The following ZNF665 variants were observed in gnomAD, a reference collection of about 807,000 sequenced individuals.
The protein encoded by ZNF665 is zinc finger protein 665.
In ZNF665, 6 loss-of-function variants were observed where a neutral mutation model predicts 7.9. The observed-to-expected ratio is 0.76, with a 90% CI of 0.42 to 1.50. The LOEUF (loss-of-function observed/expected upper bound fraction) is 1.50. Ranked by LOEUF, ZNF665 falls within the 40% of genes most tolerant of loss-of-function variation. ZNF665 has a pLI of 0.01. For synonymous variants in ZNF665, 242 were observed against 274.5 expected (o/e 0.88, Z 1.17); for missense variants, 819 against 806.7 (o/e 1.02, Z -0.18).
chr19:53,171,013 T>A (rs908642760), intron 3 of ZNF665, among the ~76,000 whole-genome samples: 2 of 152,108 alleles, frequency 1.3e-5, no homozygotes, highest in African/African-American at 4.8e-5. Context: ...CGAGACGGAG[T>A]CTTGCTCTGT....
chr19:53,171,594 A>G, intron 3 of ZNF665, among the ~76,000 whole-genome samples: 1 of 135,650 alleles, frequency 7.4e-6, no homozygotes. Flanking sequence ...CAGTGGCGTG[A>G]TTTTGGCTCA....
rs1283918296 is a variant in ZNF665 at position 53,163,854 on chromosome 19, A to T, written c.*599T>A. On this transcript the variant is annotated 3_prime_UTR_variant, in exon 4 of 4. Transcript: ENST00000396424. ...ACTCTTCCTATGAATCCTCACCTAC[A>T]GTTGTGGTCCAGGAGTAATAGTCTC... is the stretch of plus-strand genomic sequence containing the variant. 6.6e-6 allele frequency: 1 copy of T among 152,178 alleles called. No individual in the cohort carries two copies. Among genetic ancestry groups the T allele is most frequent in the African/African-American group, 2.4e-5 (1 of 41,438 alleles). The allele number at this position is 152,178 out of a possible 1,614,324, so 9.4% of individuals were successfully genotyped here. A position where few individuals can be genotyped will look rare whatever the true frequency, so the allele number is the denominator to read the frequency against.
Position 53,165,571 on chromosome 19 carries a change from T to G in ZNF665, c.919A>C (p.Ser307Arg), listed in dbSNP as rs2090605147. 6.2e-7 allele frequency: 1 copy of G among 1,614,104 alleles called. No homozygotes were observed. The highest frequency in any genetic ancestry group is 1.3e-5 in the African/African-American group (1 of 75,006). The part of the protein sequence containing the change: ...KCFTQNSHLA[S>R]HRRIHTGEKP... Reference sequence around the variant, plus strand: ...TCCCCAGTATGAATTCTTCGATGACTTGCAAGGTGTGAATTTTGAGTGAAG... The same window carrying G: ...TCCCCAGTATGAATTCTTCGATGACGTGCAAGGTGTGAATTTTGAGTGAAG... Residue 307 changes from serine to arginine, a missense_variant, in exon 4 of 4, where the codon AGT (serine) becomes CGT (arginine). Coordinates refer to ENST00000396424, the MANE Select transcript of ZNF665 (RefSeq NM_024733.5).
chr19:53,189,887 G>A (rs1004746107), intron 1 of ZNF665, among the ~76,000 whole-genome samples: 15 of 152,062 alleles, frequency 9.9e-5, no homozygotes, highest in African/African-American at 2.4e-4. Context: ...AGACGCTGGC[G>A]TCACCACTAG....
intron 3 of ZNF665, among the ~76,000 whole-genome samples, chr19:53,166,895 C>G (rs563351498): frequency 2.0e-5 from 3 of 152,128 alleles, no homozygotes; most frequent in African/African-American, 7.2e-5. Flanking sequence ...TCAGAAAAAA[C>G]TATTTTTCTG....
Position 53,166,133 on chromosome 19 carries a change from AT to A in ZNF665, c.356del (p.Asn119IlefsTer25). 1 of 1,613,212 alleles carries A rather than the reference AT, an allele frequency of 6.2e-7. No homozygotes were observed. Among genetic ancestry groups the A allele is most frequent in the Non-Finnish European group, 8.5e-7 (1 of 1,179,680 alleles). On this transcript the variant is annotated frameshift_variant, in exon 4 of 4. Transcript: ENST00000396424. LOFTEE classifies it low-confidence loss of function (END_TRUNC). ...YKTVLMLQKE[N>X]LPGRRAQRDR... ...CACGTTGAGCTCTTCTACCAGGGAG[AT>A]TTTCTTTTTGCAACATAAGTACTGT... is the stretch of plus-strand genomic sequence containing the variant.
intron 1 of ZNF665, among the ~76,000 whole-genome samples, chr19:53,192,928 G>A (rs1383241285): frequency 6.6e-6 from 1 of 152,198 alleles, no homozygotes; most frequent in Non-Finnish European, 1.5e-5. Context: ...ACCAGGCAGA[G>A]GCGCGGCCTC....
chr19:53,190,438 G>C (rs923117053), intron 1 of ZNF665: 1 of 152,234 alleles, frequency 6.6e-6, no homozygotes, highest in Non-Finnish European at 1.5e-5. Flanking sequence ...GTTCTGCAGT[G>C]CACTCCCAGT....
At chr19:53,173,177 C>G (rs4801961) in intron 3 of ZNF665, among the ~76,000 whole-genome samples, 76,879 of 151,942 alleles carry the variant, frequency 0.51, 23,104 homozygotes, top group South Asian at 0.72. Context: ...TCAGGTCTTA[C>G]GTTTAAGTAT....
intron 1 of ZNF665, chr19:53,191,729 A>T (rs1428603058): frequency 6.6e-6 from 1 of 152,304 alleles, no homozygotes. Flanking sequence ...CTGTAATCCC[A>T]GCTACTCGGG....
rs368323920 is a variant in ZNF665, at chr19:53,166,274, C to T, written c.216G>A (p.Thr72=). The part of the protein sequence containing the change: ...GKNNMGEAFY[T]VKLERLESCD... The stretch of plus-strand genomic sequence containing the variant: ...AGCTTTCAAGTCTCTCCAACTTCAC[C>T]GTGTAGAACGCTTCTCCCATATTGT... The change falls in exon 4 of 4, where the codon ACG becomes ACA. Residue 72 remains threonine (T), a synonymous_variant. Coordinates refer to ENST00000396424, the MANE Select transcript of ZNF665 (RefSeq NM_024733.5). 56 of 1,612,482 alleles carry T rather than the reference C, an allele frequency of 3.5e-5. No individual in the cohort carries two copies. Among genetic ancestry groups the T allele is most frequent in the African/African-American group, 5.3e-5 (4 of 74,872 alleles).
intron 3 of ZNF665, among the ~76,000 whole-genome samples, chr19:53,172,546 T>C (rs558646488): frequency 3.2e-4 from 48 of 152,214 alleles, no homozygotes; most frequent in Non-Finnish European, 5.3e-4. Context: ...CTTCAAGAAC[T>C]GTATATTGAG....
chr19:53,174,037 C>T (rs556714309), intron 3 of ZNF665, among the ~76,000 whole-genome samples: 41 of 152,236 alleles, frequency 2.7e-4, no homozygotes, highest in Middle Eastern at 6.8e-3. Context: ...GTGAAGTTTC[C>T]GGGGCCCCAG....
At chr19:53,176,134 C>T (rs2090696261) in intron 2 of ZNF665, among the ~76,000 whole-genome samples, 1 of 152,012 alleles carries the variant, frequency 6.6e-6, no homozygotes, top group Admixed American at 6.6e-5. Flanking sequence ...ACACTGCAGC[C>T]TGGGTGACAG....
In ZNF665 at chr19:53,175,252, C is replaced by A. The variant is rs148869655; in HGVS notation, c.142+193G>T. 2.3e-4 allele frequency among the ~76,000 whole-genome samples: 35 copies of A among 152,236 alleles called. 1 individual carries two copies. The East Asian group carries it at 5.0e-3, about 22-fold the overall frequency. ...TATGCATACAAAACTCTAAAACTCT[C>A]CACAAAGTGGGCAGACCATCTCGAG... On this transcript the variant is annotated intron_variant, in intron 3 of 3. Transcript: ENST00000396424.
Position 53,164,711 on chromosome 19 carries a change from A to G in ZNF665, c.1779T>C (p.Thr593=). 6.2e-7 allele frequency: 1 copy of G among 1,614,082 alleles called. No homozygotes were observed. Among genetic ancestry groups the G allele is most frequent in the Non-Finnish European group, 8.5e-7 (1 of 1,179,954 alleles). ...CATTACATTTGTAAGGTTTTTCTCCAGTATGGATGACCTGATGGGTAGCTA... is the reference window on the plus strand; with the variant it reads ...CATTACATTTGTAAGGTTTTTCTCCGGTATGGATGACCTGATGGGTAGCTA... ...SNLATHQVIH[T]GEKPYKCNEC... The change falls in exon 4 of 4, where the codon ACT becomes ACC. Residue 593 remains threonine, a synonymous_variant. Coordinates refer to ENST00000396424, the MANE Select transcript of ZNF665 (RefSeq NM_024733.5).
intron 3 of ZNF665, among the ~76,000 whole-genome samples, chr19:53,167,541 G>A (rs1254554021): frequency 1.3e-5 from 2 of 149,876 alleles, no homozygotes; most frequent in Admixed American, 6.6e-5. Flanking sequence ...CCGCCTCCCG[G>A]GTTCCCGCCA....
At chr19:53,176,700 AGAACT>A (rs2090701032) in intron 2 of ZNF665, among the ~76,000 whole-genome samples, 1 of 152,220 alleles carries the variant, frequency 6.6e-6, no homozygotes, top group Non-Finnish European at 1.5e-5. Context: ...AGACAGTGTA[AGAACT>A]GAACTGAATG....
rs931192740 is a variant in ZNF665 at position 53,182,672 on chromosome 19, T to A, written c.15+212A>T. On this transcript the variant is annotated intron_variant, in intron 2 of 3. Transcript: ENST00000396424. ...TGTCGGGGTGTGAGCCCTTCCCAGG[T>A]CCATGCCCCGTGCAGCCTCTTCCCA... 1.5e-5 allele frequency: 15 copies of A among 998,628 alleles called. No individual in the cohort carries two copies. The African/African-American group carries it at 2.2e-4, about 15-fold the overall frequency. 61.9% of individuals were successfully genotyped at this position (998,628 alleles called of 1,614,324 possible).
Sources: gnomAD v4.1 joint callset for allele counts (sites outside exome capture counted in the v4.1 genomes callset) on GRCh38, gnomAD v4.1.1 for gene constraint, MANE v1.5 for transcripts, NCBI Gene and HGNC (gene_info 2026-07-23, HGNC 2026-07-21) for gene names.